The following ZBTB38 variants were observed in gnomAD, a reference collection of about 807,000 sequenced individuals.
ZBTB38 encodes zinc finger and BTB domain-containing protein 38.
A neutral mutation model predicts 76.8 loss-of-function variants in ZBTB38; 20 were observed. The ratio of observed to expected loss-of-function variants is 0.26; its 90% CI spans 0.18 to 0.38. ZBTB38 has a LOEUF of 0.38. Among genes scored for constraint, ZBTB38 ranks in the 10% least tolerant of loss-of-function variants. ZBTB38 has a pLI of 1.00. For missense variants in ZBTB38, 1,082 were observed against 1,482.3 expected (o/e 0.73, Z 4.43); for synonymous variants, 504 against 544.2 (o/e 0.93, Z 1.03).
intron 2 of ZBTB38, among the ~76,000 whole-genome samples, chr3:141,377,611 CA>C (rs779495515): frequency 6.6e-6 from 1 of 152,136 alleles, no homozygotes; most frequent in Non-Finnish European, 1.5e-5. Flanking sequence ...GGTATTTACA[CA>C]AGAGAAATGA....
chr3:141,429,009 T>C (rs1479103624), intron 5 of ZBTB38, among the ~76,000 whole-genome samples: 1 of 152,212 alleles, frequency 6.6e-6, no homozygotes, highest in Non-Finnish European at 1.5e-5. Flanking sequence ...CTTTTGTAAA[T>C]GAATACTGAG....
At position 141,443,628 on chromosome 3, in the gene ZBTB38, A is replaced by G. The variant is rs1335212989; in HGVS notation, c.1240A>G (p.Thr414Ala). 6.2e-7 allele frequency: 1 copy of G among 1,614,154 alleles called. No individual in the cohort carries two copies. The highest frequency in any genetic ancestry group is 1.7e-5 in the Admixed American group (1 of 60,014). ...CCAACGCTTTTTAGAAAACTATCCT[A>G]CCATTGGACAAAATGGAGGTTCATT... ...GNQRFLENYP[T>A]IGQNGGSFTG... The change falls in exon 6 of 6, where the codon ACC becomes GCC. Residue 414 changes from threonine (T) to alanine (A), a missense_variant. Physicochemically the swap from Thr to Ala is moderately conservative, Grantham distance 58. Around this residue, in one of 8 missense-constraint regions of ZBTB38, gnomAD observed 324 missense variants for 359.1 expected, o/e 0.90. Transcript: ENST00000321464. The surrounding 1 kb of genome is among the most constrained non-coding windows in gnomAD (Gnocchi z 5.6).
At chr3:141,403,734 AT>A (rs1193047914) in intron 4 of ZBTB38, among the ~76,000 whole-genome samples, 192 bp from the exon 5 acceptor site, 2 of 152,236 alleles carry the variant, frequency 1.3e-5, no homozygotes, top group Non-Finnish European at 2.9e-5. Flanking sequence ...CTCCGTTTCT[AT>A]AGCTGTAAAA....
intron 5 of ZBTB38, among the ~76,000 whole-genome samples, chr3:141,420,941 T>TA (rs570846117): frequency 0.039 from 5,482 of 139,774 alleles, 144 homozygotes; most frequent in Non-Finnish European, 0.059. Context: ...GAGTTTCAGT[T>TA]AAAAAAAAAA....
At chr3:141,340,594 CAAAGAA>C (rs200767514) in intron 1 of ZBTB38, among the ~76,000 whole-genome samples, 5,152 of 152,116 alleles carry the variant, frequency 0.034, 248 homozygotes, top group Admixed American at 0.13. Flanking sequence ...GACATTTCTC[CAAAGAA>C]AATATACAAG....
intron 1 of ZBTB38, chr3:141,324,559 GA>G (rs1370068140): frequency 6.6e-6 from 1 of 152,190 alleles, no homozygotes; most frequent in Non-Finnish European, 1.5e-5. Flanking sequence ...CCTTGGAACA[GA>G]TAGGAAAGAT....
rs113018023 is a variant in ZBTB38, at chr3:141,355,357, G to T, written c.-738-13264G>T. ...TACTGGGTCTTCCTGACCCCTCCAT[G>T]GGCATGTACAGGAGCCCTAGTCTTT... On this transcript the variant is annotated intron_variant, in intron 1 of 7. Transcript: ENST00000509842. Among the ~76,000 whole-genome samples the T allele has an allele frequency of 1.2e-3, 181 of 152,180 alleles. 2 individuals carry two copies. Among genetic ancestry groups the T allele is most frequent in the African/African-American group, 4.1e-3 (169 of 41,514 alleles).
chr3:141,344,604 G>T (rs1288896237), intron 1 of ZBTB38, among the ~76,000 whole-genome samples: 2 of 152,036 alleles, frequency 1.3e-5, no homozygotes, highest in Non-Finnish European at 2.9e-5. Flanking sequence ...AAACTCCTGG[G>T]CTCAAGTGAT....
At chr3:141,422,147 G>A (rs1224329398) in intron 5 of ZBTB38, among the ~76,000 whole-genome samples, 1 of 152,232 alleles carries the variant, frequency 6.6e-6, no homozygotes, top group Admixed American at 6.5e-5. Flanking sequence ...ACACCTGAAA[G>A]CAGAATGGGC....
intron 2 of ZBTB38, among the ~76,000 whole-genome samples, 185 bp from the exon 3 acceptor site, chr3:141,381,240 C>T (rs777894939): frequency 5.9e-5 from 9 of 152,194 alleles, no homozygotes; most frequent in Non-Finnish European, 1.2e-4. Context: ...TATTCAGTTG[C>T]TAAAGCCGAG....
chr3:141,391,851 C>T (rs1294123331), intron 4 of ZBTB38, among the ~76,000 whole-genome samples: 1 of 152,126 alleles, frequency 6.6e-6, no homozygotes, highest in African/African-American at 2.4e-5. Context: ...AAGTTTTTTT[C>T]AGGTTTTGCT....
intron 1 of ZBTB38, among the ~76,000 whole-genome samples, chr3:141,355,033 G>A (rs1052768178): frequency 5.9e-5 from 9 of 152,010 alleles, no homozygotes; most frequent in African/African-American, 2.2e-4. Flanking sequence ...TGCACACATT[G>A]TTATAAACTA....
intron 5 of ZBTB38, among the ~76,000 whole-genome samples, chr3:141,417,970 C>T (rs535916196): frequency 1.8e-4 from 28 of 152,118 alleles, no homozygotes; most frequent in African/African-American, 6.0e-4. Context: ...GCCGAGATCG[C>T]GCCATTGCAC....
At chr3:141,347,507 C>T (rs772260964) in intron 1 of ZBTB38, among the ~76,000 whole-genome samples, 4 of 152,170 alleles carry the variant, frequency 2.6e-5, no homozygotes, top group African/African-American at 4.8e-5. Context: ...ACATTATACA[C>T]GGGCCTGTTT....
intron 5 of ZBTB38, among the ~76,000 whole-genome samples, chr3:141,409,099 G>A (rs548610792): frequency 6.6e-6 from 1 of 152,262 alleles, no homozygotes; most frequent in Non-Finnish European, 1.5e-5. Flanking sequence ...AGGCTGGAGT[G>A]CAGTGGCGCT....
intron 5 of ZBTB38, among the ~76,000 whole-genome samples, chr3:141,424,902 G>GTAA (rs979548149): frequency 6.6e-6 from 1 of 152,190 alleles, no homozygotes; most frequent in African/African-American, 2.4e-5. Flanking sequence ...ATTGGTAATA[G>GTAA]TAATAATAAT....
chr3:141,359,764 C>T (rs1338270422), intron 1 of ZBTB38, among the ~76,000 whole-genome samples: 2 of 151,782 alleles, frequency 1.3e-5, no homozygotes, highest in African/African-American at 4.8e-5. Context: ...GACCTCATCT[C>T]TACAAAAAGT....
intron 5 of ZBTB38, among the ~76,000 whole-genome samples, chr3:141,434,659 CAG>C (rs1349932991): frequency 6.6e-6 from 1 of 152,020 alleles, no homozygotes; most frequent in Non-Finnish European, 1.5e-5. Context: ...GAGACAAAAA[CAG>C]AAAATTCCAA....
chr3:141,437,601 T>C (rs566825258), intron 5 of ZBTB38, among the ~76,000 whole-genome samples: 2 of 152,342 alleles, frequency 1.3e-5, no homozygotes, highest in South Asian at 2.1e-4. Flanking sequence ...AAGGAGACTT[T>C]CCAATGTTTA....
Sources: allele counts gnomAD v4.1 joint callset (sites outside exome capture counted in the v4.1 genomes callset), GRCh38; gene constraint gnomAD v4.1.1; regional missense constraint gnomAD v4.1.1; non-coding constraint Gnocchi (gnomAD v3.1); transcripts MANE v1.5; gene names NCBI Gene and HGNC (gene_info 2026-07-23, HGNC 2026-07-21).